The following GNE variants were observed in gnomAD, a reference collection of about 807,000 sequenced individuals.
GNE encodes bifunctional UDP-N-acetylglucosamine 2-epimerase/N-acetylmannosamine kinase.
A neutral mutation model predicts 61.8 loss-of-function variants in GNE; 41 were observed. The ratio of observed to expected loss-of-function variants is 0.66; its 90% CI spans 0.52 to 0.86. The LOEUF is 0.86. Among genes scored for constraint, GNE ranks in the 40% least tolerant of loss-of-function variants. GNE has a pLI of 0.00. For missense variants in GNE, 608 were observed against 909.1 expected (o/e 0.67, Z 4.26); for synonymous variants, 264 against 326.4 (o/e 0.81, Z 2.06).
chr9:36,252,111 G>A (rs961833668), intron 1 of GNE, among the ~76,000 whole-genome samples: 2 of 150,404 alleles, frequency 1.3e-5, no homozygotes, highest in African/African-American at 4.9e-5. Context: ...TCAGCCTCCC[G>A]AGTAGCTGGG....
At chr9:36,245,179 G>A (rs187891048) in intron 3 of GNE, among the ~76,000 whole-genome samples, 1,720 of 151,696 alleles carry the variant, frequency 0.011, 31 homozygotes, top group African/African-American at 0.037. Context: ...CAGGAGAATC[G>A]CTTGAACCTG....
At chr9:36,238,945 A>C (rs1048766963) in intron 3 of GNE, among the ~76,000 whole-genome samples, 2 of 152,164 alleles carry the variant, frequency 1.3e-5, no homozygotes, top group Non-Finnish European at 2.9e-5. Context: ...ATTCTCCTAC[A>C]TGTGGCCAGC....
At position 36,229,018 on chromosome 9, in the gene GNE, C is replaced by CA. The variant is rs886043636; in HGVS notation, c.1070+2dup. ...CACTCAACAAAGAATGTTTTATACT[C>CA]ACCAAGGGTACTGTTTACCAAACTG... is the stretch of plus-strand genomic sequence containing the variant. On this transcript the variant is annotated splice_region_variant and intron_variant, in intron 6 of 11. Coordinates refer to ENST00000642385, the MANE Select transcript of GNE (RefSeq NM_005476.7). The CA allele has an allele frequency of 1.9e-6, 3 of 1,544,398 alleles. No homozygotes were observed. Among genetic ancestry groups the CA allele is most frequent in the Non-Finnish European group, 2.7e-6 (3 of 1,116,610 alleles).
intron 9 of GNE, among the ~76,000 whole-genome samples, chr9:36,222,288 G>A (rs974449896): frequency 5.3e-5 from 8 of 151,358 alleles, no homozygotes; most frequent in African/African-American, 9.7e-5. Context: ...GCGTAGTGGC[G>A]GGCGCCTGTA....
At chr9:36,274,068 CTGTGTGTGTGTGTGTG>C (rs71336439) in intron 1 of GNE, among the ~76,000 whole-genome samples, 53,817 of 142,156 alleles carry the variant, frequency 0.38, 10,880 homozygotes, top group Non-Finnish European at 0.46. Context: ...GTCTATGGTA[CTGTGTGTGTGTGTGTG>C]TGTGTGTGTG....
chr9:36,230,860 A>G lies in GNE; in HGVS notation c.983-1752T>C, dbSNP rs957820679. Among the ~76,000 whole-genome samples the G allele has an allele frequency of 3.9e-4, 59 of 152,044 alleles. 1 individual carries two copies. Among genetic ancestry groups the G allele is most frequent in the South Asian group, 8.3e-4 (4 of 4,818 alleles). ...TCATCCCACCTTGGCCTCCCAAAGC[A>G]CTGGGATTATAGGTGTTGAGCCACC... On this transcript the variant is annotated intron_variant, in intron 5 of 11. Coordinates refer to ENST00000642385, the MANE Select transcript of GNE (RefSeq NM_005476.7).
intron 1 of GNE, chr9:36,265,325 C>A: frequency 2.2e-6 from 1 of 447,250 alleles, no homozygotes; most frequent in South Asian, 1.6e-5. Context: ...GAACGAGAGG[C>A]TTGCTGCCAT....
At chr9:36,233,265 A>G (rs745449144) in intron 5 of GNE, among the ~76,000 whole-genome samples, 17 of 152,234 alleles carry the variant, frequency 1.1e-4, no homozygotes, top group Non-Finnish European at 1.9e-4. Flanking sequence ...TAAAGTACTG[A>G]CTGAAGGGAT....
chr9:36,271,091 G>A (rs1182135436), intron 1 of GNE, among the ~76,000 whole-genome samples: 1 of 151,968 alleles, frequency 6.6e-6, no homozygotes, highest in African/African-American at 2.4e-5. Context: ...GTATGCCTAG[G>A]GGAACAAGTT....
At chr9:36,266,685 G>A (rs971528081) in intron 1 of GNE, among the ~76,000 whole-genome samples, 24 of 152,082 alleles carry the variant, frequency 1.6e-4, no homozygotes, top group Admixed American at 1.5e-3. Flanking sequence ...CGAGGCAGGC[G>A]GATCACAAGG....
At chr9:36,257,792 G>A (rs1220882644) in intron 1 of GNE, among the ~76,000 whole-genome samples, 5 of 79,284 alleles carry the variant, frequency 6.3e-5, no homozygotes, top group African/African-American at 2.6e-4. Context: ...GACAGAGCGA[G>A]ACTCAGTCTC....
chr9:36,249,096 G>T, intron 2 of GNE, 96 bp downstream of exon 2: 1 of 944,492 alleles, frequency 1.1e-6, no homozygotes, highest in South Asian at 1.3e-5. Flanking sequence ...CTAAGCAGCA[G>T]AACAGGAATT....
At chr9:36,262,870 C>G (rs1337578745), upstream of GNE, among the ~76,000 whole-genome samples, 1 of 152,176 alleles carries the variant, frequency 6.6e-6, no homozygotes, top group African/African-American at 2.4e-5. Flanking sequence ...TAAATTCTAC[C>G]CGTGTATTTC....
chr9:36,260,245 A>T (rs909047409), upstream of GNE, among the ~76,000 whole-genome samples: 1 of 148,944 alleles, frequency 6.7e-6, no homozygotes, highest in East Asian at 2.0e-4. Flanking sequence ...AAACCACTGC[A>T]CTCCAGCCTG....
rs1314212130 is a variant in GNE at position 36,272,915 on chromosome 9, T to TAAAAAAAAAAAAA, written c.51+3978_51+3979insTTTTTTTTTTTTT. Among the ~76,000 whole-genome samples the TAAAAAAAAAAAAA allele has an allele frequency of 1.4e-4, 2 of 13,856 alleles. 1 individual carries two copies. 9.1% of individuals were successfully genotyped at this position (13,856 alleles called of 152,430 possible). On this transcript the variant is annotated intron_variant, in intron 1 of 11. Transcript: ENST00000396594. ...GTGGTGAAACCTCATCTAGTAAAAA[T>TAAAAAAAAAAAAA]ACAAAAAAAAAAAAAAAAAAAAAGC...
intron 3 of GNE, among the ~76,000 whole-genome samples, chr9:36,238,350 G>A (rs1009024140): frequency 6.6e-6 from 1 of 152,140 alleles, no homozygotes; most frequent in African/African-American, 2.4e-5. Flanking sequence ...GGCTGTACTA[G>A]TTTACATTCA....
At chr9:36,243,449 G>A (rs563975192) in intron 3 of GNE, among the ~76,000 whole-genome samples, 23 of 152,226 alleles carry the variant, frequency 1.5e-4, no homozygotes, top group African/African-American at 4.1e-4. Flanking sequence ...GTGTTTCATC[G>A]GAAGCATACT....
rs932315775 is a variant in GNE at position 36,217,173 on chromosome 9, A to T, written c.*192T>A. 3 of 627,672 alleles carry T rather than the reference A, an allele frequency of 4.8e-6. No homozygotes were observed. The highest frequency in any genetic ancestry group is 8.6e-6 in the Non-Finnish European group (3 of 349,992). 38.9% of individuals were successfully genotyped at this position (627,672 alleles called of 1,614,324 possible). A position where few individuals can be genotyped will look rare whatever the true frequency, so the allele number is the denominator to read the frequency against. ...CCCCTAGTAAGAAGACATCAGAAAGAATAGCATCTACAAAAATAGGAGTGG... is the reference window on the plus strand; with the variant it reads ...CCCCTAGTAAGAAGACATCAGAAAGTATAGCATCTACAAAAATAGGAGTGG... On this transcript the variant is annotated 3_prime_UTR_variant, in exon 12 of 12. Transcript: ENST00000642385.
chr9:36,240,292 T>A (rs1330101319), intron 3 of GNE, among the ~76,000 whole-genome samples: 2 of 152,204 alleles, frequency 1.3e-5, no homozygotes, highest in East Asian at 3.8e-4. Context: ...ACATTAGCTG[T>A]GGGTTTGTCA....
Sources: allele counts gnomAD v4.1 joint callset (sites outside exome capture counted in the v4.1 genomes callset), GRCh38; gene constraint gnomAD v4.1.1; transcripts MANE v1.5; gene names NCBI Gene and HGNC (gene_info 2026-07-23, HGNC 2026-07-21).